Variants in PRKG1 observed in about 807,000 individuals in gnomAD.
PRKG1 encodes the protein protein kinase cGMP-dependent 1, also known as cGMP-dependent protein kinase 1.
PRKG1 carries 35 observed loss-of-function variants against 88.1 expected under a neutral mutation model. The observed-to-expected ratio is 0.40, with a 90% confidence interval of 0.30 to 0.53. The LOEUF (loss-of-function observed/expected upper bound fraction) is 0.53. Ranked by LOEUF, PRKG1 falls within the 20% of genes least tolerant of loss-of-function variation. The pLI, the probability that PRKG1 is intolerant of heterozygous loss-of-function variation, is 0.59. For missense variants in PRKG1, 540 were observed against 839.8 expected, an observed-to-expected ratio of 0.64 and a Z score of 4.41; for synonymous variants, 303 against 292.5, an observed-to-expected ratio of 1.04 and a Z score of -0.37.
intron 3 of PRKG1, among the ~76,000 whole-genome samples, chr10:51,721,798 T>C (rs10823462): frequency 0.44 from 67,231 of 152,046 alleles, 15,480 homozygotes; most frequent in Middle Eastern, 0.57. Flanking sequence ...ACCATGGATG[T>C]TTTGCTGAAT....
chr10:52,133,862 G>C lies in PRKG1; in HGVS notation c.958G>C (p.Val320Leu), dbSNP rs768491086. The change falls in exon 8 of 18, where the codon GTA (valine) becomes CTA (leucine). Residue 320 changes from valine to leucine, a missense_variant. Val to Leu is a conservative substitution (Grantham distance 32, BLOSUM62 1). Around this residue, in one of 5 missense-constraint regions of PRKG1, gnomAD observed 400 missense variants for 562.7 expected, o/e 0.71. Transcript: ENST00000373980. ...LQGEDVRTAN[V>L]IAAEAVTCLV... The stretch of plus-strand genomic sequence containing the variant: ...TAGGGAAGATGTGAGAACAGCAAAC[G>C]TAATTGCTGCAGAAGCTGTAACCTG... 6.2e-7 allele frequency: 1 copy of C among 1,612,956 alleles called. No individual in the cohort carries two copies. The highest frequency in any genetic ancestry group is 8.5e-7 in the Non-Finnish European group (1 of 1,179,346).
At chr10:51,288,625 A>C (rs1405458133) in intron 2 of PRKG1, among the ~76,000 whole-genome samples, 2 of 152,244 alleles carry the variant, frequency 1.3e-5, no homozygotes, top group East Asian at 3.9e-4. Flanking sequence ...CTTATCTTTG[A>C]CTGTGAAGAT....
intron 12 of PRKG1, among the ~76,000 whole-genome samples, chr10:52,277,750 C>T (rs931015931): frequency 2.0e-5 from 3 of 152,146 alleles, no homozygotes; most frequent in African/African-American, 4.8e-5. Context: ...CTGCTAATGA[C>T]CAGCTTATTC....
chr10:51,400,771 C>G (rs765351215), intron 2 of PRKG1, among the ~76,000 whole-genome samples: 6 of 152,120 alleles, frequency 3.9e-5, no homozygotes, highest in Non-Finnish European at 7.4e-5. Flanking sequence ...TCTTTCCTGT[C>G]TTTTCAACAG....
intron 4 of PRKG1, among the ~76,000 whole-genome samples, chr10:51,896,616 C>T (rs1267163499): frequency 8.0e-6 from 1 of 125,426 alleles, no homozygotes; most frequent in Non-Finnish European, 1.6e-5. Flanking sequence ...GGAGGCTAAG[C>T]TTAGGTGACA....
intron 8 of PRKG1, among the ~76,000 whole-genome samples, chr10:52,154,416 C>T (rs2132673561): frequency 6.6e-6 from 1 of 152,224 alleles, no homozygotes; most frequent in South Asian, 2.1e-4. Flanking sequence ...GTGCTTATGT[C>T]TTTACAGACT....
intron 2 of PRKG1, among the ~76,000 whole-genome samples, chr10:51,366,231 T>C (rs945175816): frequency 3.3e-5 from 5 of 151,938 alleles, no homozygotes; most frequent in Admixed American, 1.3e-4. Flanking sequence ...ACCAACCAAC[T>C]GGAAACCTGG....
chr10:51,973,919 TA>T (rs1843767719), intron 5 of PRKG1, among the ~76,000 whole-genome samples: 1 of 152,148 alleles, frequency 6.6e-6, no homozygotes, highest in Admixed American at 6.6e-5. Context: ...TTTAAGCGGT[TA>T]AAAAGTCAGA....
At chr10:52,055,537 C>G (rs1846090229) in intron 6 of PRKG1, among the ~76,000 whole-genome samples, 1 of 152,044 alleles carries the variant, frequency 6.6e-6, no homozygotes, top group African/African-American at 2.4e-5. Context: ...AATAGAATTT[C>G]TTTTAGATTA....
intron 9 of PRKG1, among the ~76,000 whole-genome samples, chr10:52,243,437 T>C (rs1840919239): frequency 6.6e-6 from 1 of 152,052 alleles, no homozygotes; most frequent in Non-Finnish European, 1.5e-5. Flanking sequence ...TTAGTTCCTT[T>C]ATTTAAAAAA....
chr10:51,795,457 G>A (rs1838985150), intron 3 of PRKG1, among the ~76,000 whole-genome samples: 1 of 152,102 alleles, frequency 6.6e-6, no homozygotes, highest in Non-Finnish European at 1.5e-5. Context: ...TTGTGCAGTG[G>A]AGACATTGGC....
intron 3 of PRKG1, among the ~76,000 whole-genome samples, chr10:51,566,097 G>A (rs1438249896): frequency 1.3e-5 from 2 of 152,100 alleles, no homozygotes; most frequent in Non-Finnish European, 2.9e-5. Context: ...TATAATACCA[G>A]AAACAAGGCT....
intron 5 of PRKG1, among the ~76,000 whole-genome samples, chr10:52,032,660 A>G (rs1319833353): frequency 6.6e-6 from 1 of 151,998 alleles, no homozygotes; most frequent in Non-Finnish European, 1.5e-5. Flanking sequence ...CCCCTTTTTC[A>G]TTGCTGGAAA....
chr10:51,621,532 A>G (rs1839212063), intron 3 of PRKG1, among the ~76,000 whole-genome samples: 1 of 152,182 alleles, frequency 6.6e-6, no homozygotes, highest in Non-Finnish European at 1.5e-5. Context: ...CCCTAGAGCC[A>G]TCTTGTTTTG....
chr10:51,852,048 A>T (rs539086684), intron 4 of PRKG1, among the ~76,000 whole-genome samples: 1 of 151,952 alleles, frequency 6.6e-6, no homozygotes, highest in South Asian at 2.1e-4. Context: ...TTATTTTAAC[A>T]TGTTGGAGAA....
At chr10:51,991,018 C>T (rs1844291426) in intron 5 of PRKG1, among the ~76,000 whole-genome samples, 1 of 152,086 alleles carries the variant, frequency 6.6e-6, no homozygotes, top group Admixed American at 6.6e-5. Context: ...TTTCTTTCCT[C>T]AATATTTAAC....
At chr10:51,345,509 C>T (rs190464583) in intron 2 of PRKG1, among the ~76,000 whole-genome samples, 79 of 151,910 alleles carry the variant, frequency 5.2e-4, no homozygotes, top group Non-Finnish European at 9.3e-4. Flanking sequence ...GATATTTCAC[C>T]GAGAGTAAAT....
intron 1 of PRKG1, among the ~76,000 whole-genome samples, chr10:51,015,365 C>T (rs937713865): frequency 4.6e-5 from 7 of 152,244 alleles, no homozygotes; most frequent in African/African-American, 1.7e-4. Flanking sequence ...GTATATCAAA[C>T]GTTATTTTCT....
intron 1 of PRKG1, among the ~76,000 whole-genome samples, chr10:51,065,162 A>G (rs1176138476): frequency 6.6e-6 from 1 of 152,130 alleles, no homozygotes; most frequent in Non-Finnish European, 1.5e-5. Flanking sequence ...CTAGTAAAGA[A>G]GGCCAACTCC....
Sources: allele counts gnomAD v4.1 joint callset (sites outside exome capture counted in the v4.1 genomes callset), GRCh38; gene constraint gnomAD v4.1.1; regional missense constraint gnomAD v4.1.1; transcripts MANE v1.5; gene names NCBI Gene and HGNC (gene_info 2026-07-23, HGNC 2026-07-21).